The following CPNE4 variants were observed in gnomAD, a reference collection of about 807,000 sequenced individuals.
CPNE4 encodes copine 4, also known as copine-4.
CPNE4 carries 25 observed loss-of-function variants against 67.9 expected under a neutral mutation model. The observed-to-expected ratio is 0.37, with a 90% CI of 0.27 to 0.51. The LOEUF is 0.51. Among genes scored for constraint, CPNE4 ranks in the 20% least tolerant of loss-of-function variants. The pLI, the probability that CPNE4 is intolerant of heterozygous loss-of-function variation, is 0.93. For missense variants in CPNE4, 464 were observed against 690.8 expected, an observed-to-expected ratio of 0.67 and a Z score of 3.68; for synonymous variants, 242 against 244.9, an observed-to-expected ratio of 0.99 and a Z score of 0.11.
intron 2 of CPNE4, among the ~76,000 whole-genome samples, chr3:131,792,693 A>ACG (rs2083786754): frequency 1.6e-5 from 1 of 60,626 alleles, no homozygotes; most frequent in Non-Finnish European, 3.2e-5. Context: ...ACGTGTATAT[A>ACG]TACATATACA....
intron 2 of CPNE4, among the ~76,000 whole-genome samples, chr3:131,755,912 A>T (rs904336744): frequency 6.6e-6 from 1 of 152,206 alleles, no homozygotes; most frequent in African/African-American, 2.4e-5. Flanking sequence ...TGGCATATCC[A>T]AGAGAAATTT....
chr3:132,018,122 T>C (rs983441673), intron 1 of CPNE4, among the ~76,000 whole-genome samples: 8 of 152,204 alleles, frequency 5.3e-5, no homozygotes, highest in African/African-American at 1.9e-4. Flanking sequence ...CTTTTCCCTC[T>C]AACAGAAATG....
chr3:131,757,828 C>T (rs1415056615), intron 2 of CPNE4, among the ~76,000 whole-genome samples: 1 of 152,208 alleles, frequency 6.6e-6, no homozygotes, highest in Non-Finnish European at 1.5e-5. Context: ...GTCCCAACCA[C>T]TCTAGCCATG....
intron 1 of CPNE4, among the ~76,000 whole-genome samples, chr3:131,956,594 T>C (rs1448900335): frequency 1.9e-5 from 2 of 104,750 alleles, no homozygotes; most frequent in African/African-American, 5.7e-5. Flanking sequence ...AAAATGTATA[T>C]GTATGAATTA....
At chr3:131,863,713 G>A (rs1400760802) in intron 2 of CPNE4, among the ~76,000 whole-genome samples, 1 of 152,134 alleles carries the variant, frequency 6.6e-6, no homozygotes, top group African/African-American at 2.4e-5. Flanking sequence ...AGTTTAATTA[G>A]ATCCCATTTG....
intron 7 of CPNE4, among the ~76,000 whole-genome samples, chr3:131,647,719 C>A (rs2079700486): frequency 6.6e-6 from 1 of 152,152 alleles, no homozygotes; most frequent in Non-Finnish European, 1.5e-5. Context: ...ACCTACCCTG[C>A]ATGGCTGATG....
chr3:132,030,058 C>T (rs2074204549), intron 1 of CPNE4, among the ~76,000 whole-genome samples: 1 of 149,440 alleles, frequency 6.7e-6, no homozygotes. Context: ...CTCCAAGAGA[C>T]AGCAATGTAA....
At chr3:131,957,801 T>G (rs949714632) in intron 1 of CPNE4, among the ~76,000 whole-genome samples, 2 of 152,224 alleles carry the variant, frequency 1.3e-5, no homozygotes, top group African/African-American at 4.8e-5. Flanking sequence ...CTACTGCATT[T>G]TCTGTGCCAG....
chr3:131,940,885 T>G (rs1295120798), intron 1 of CPNE4, among the ~76,000 whole-genome samples: 1 of 152,064 alleles, frequency 6.6e-6, no homozygotes, highest in Non-Finnish European at 1.5e-5. Context: ...TGCTTACCAG[T>G]TTGTCTGAAT....
At chr3:131,631,353 T>A (rs567354289) in intron 7 of CPNE4, among the ~76,000 whole-genome samples, 1 of 152,196 alleles carries the variant, frequency 6.6e-6, no homozygotes, top group African/African-American at 2.4e-5. Flanking sequence ...TTGGTTTTGA[T>A]TGAAAGTTTT....
At chr3:131,895,658 A>C (rs2107752236) in intron 2 of CPNE4, among the ~76,000 whole-genome samples, 1 of 152,248 alleles carries the variant, frequency 6.6e-6, no homozygotes, top group South Asian at 2.1e-4. Flanking sequence ...ATCAAGCTGA[A>C]CATCTAAAAT....
chr3:131,840,195 T>G (rs968872962), intron 2 of CPNE4, among the ~76,000 whole-genome samples: 1 of 152,186 alleles, frequency 6.6e-6, no homozygotes, highest in African/African-American at 2.4e-5. Flanking sequence ...GCTGATTTTC[T>G]CCTCTATAAT....
chr3:131,569,679 A>AAAGG (rs1359087843), intron 10 of CPNE4, among the ~76,000 whole-genome samples: 1 of 151,356 alleles, frequency 6.6e-6, no homozygotes, highest in Non-Finnish European at 1.5e-5. Context: ...AAAAAAGAAG[A>AAAGG]AAGGAAGAAA....
intron 2 of CPNE4, among the ~76,000 whole-genome samples, chr3:131,904,851 T>C (rs552207980): frequency 6.6e-6 from 1 of 152,242 alleles, no homozygotes; most frequent in East Asian, 1.9e-4. Flanking sequence ...CCCAAAATTC[T>C]TATTAAGTCT....
At chr3:131,678,342 C>T (rs184575891) in intron 6 of CPNE4, among the ~76,000 whole-genome samples, 23 of 152,188 alleles carry the variant, frequency 1.5e-4, no homozygotes, top group African/African-American at 5.1e-4. Flanking sequence ...CGGGCTGAGA[C>T]GATGGGGTTT....
intron 2 of CPNE4, among the ~76,000 whole-genome samples, chr3:131,844,055 A>G (rs565652494): frequency 1.3e-5 from 2 of 152,214 alleles, no homozygotes; most frequent in East Asian, 3.9e-4. Context: ...GAAAATTAGA[A>G]AGAAGTTTGT....
chr3:131,572,351 G>A (rs1937380963), intron 10 of CPNE4, among the ~76,000 whole-genome samples: 1 of 152,104 alleles, frequency 6.6e-6, no homozygotes, highest in African/African-American at 2.4e-5. Flanking sequence ...AATTCAGTAA[G>A]AGGAGTATCT....
chr3:131,792,608 T>TGTGTATATATGTATATATATACACACAC lies in CPNE4; in HGVS notation c.181-68984_181-68983insGTGTGTGTATATATATACATATATACAC, dbSNP rs2083758276. The stretch of plus-strand genomic sequence containing the variant: ...ATACATATATATATGTATATGTGTG[T>TGTGTATATATGTATATATATACACACAC]GTGTATATATGTATATATATATACA... On this transcript the variant is annotated intron_variant, in intron 2 of 15. Transcript: ENST00000429747. 3.9e-4 allele frequency among the ~76,000 whole-genome samples: 36 copies of TGTGTATATATGTATATATATACACACAC among 91,390 alleles called. No homozygotes were observed. In the East Asian group the frequency reaches 0.012, roughly 30 times the overall value. The allele number at this position is 91,390 out of a possible 152,430, so 60.0% of individuals were successfully genotyped here.
At chr3:131,820,613 A>G (rs2084926110) in intron 2 of CPNE4, among the ~76,000 whole-genome samples, 1 of 152,238 alleles carries the variant, frequency 6.6e-6, no homozygotes, top group Non-Finnish European at 1.5e-5. Flanking sequence ...ATTATTACAA[A>G]CATCTCTTTC....
Sources: gnomAD v4.1 joint callset for allele counts (sites outside exome capture counted in the v4.1 genomes callset) on GRCh38, gnomAD v4.1.1 for gene constraint, MANE v1.5 for transcripts, NCBI Gene and HGNC (gene_info 2026-07-23, HGNC 2026-07-21) for gene names.